COX6C: variants seen among roughly 807,000 people sequenced by gnomAD.
COX6C encodes cytochrome c oxidase subunit 6C.
A neutral mutation model predicts 6.9 loss-of-function variants in COX6C; 3 were observed. That is an observed-to-expected ratio of 0.43 (90% CI 0.20 to 1.12). The LOEUF is 1.12. Among genes scored for constraint, COX6C ranks in the 50% most tolerant of loss-of-function variants. The pLI is 0.27. For synonymous variants in COX6C, 32 were observed against 32.0 expected (o/e 1.00, Z 0.00); for missense variants, 101 against 97.3 (o/e 1.04, Z -0.16).
chr8:99,889,098 C>A (rs1817993299), intron 2 of COX6C, among the ~76,000 whole-genome samples: 1 of 152,184 alleles, frequency 6.6e-6, no homozygotes, highest in South Asian at 2.1e-4. Context: ...TTTAGCTAAA[C>A]TAAGGAGCAA....
rs530922112 is a variant in COX6C, at chr8:99,887,403, C to G, written c.*15+87G>C. ...ATCGTAAAGTCAAAAAATCTTAAGT[C>G]TAAACATTGTGAGGGACAGTCACCT... On this transcript the variant is annotated intron_variant, in intron 3 of 3. Coordinates refer to ENST00000520468, the MANE Select transcript of COX6C (RefSeq NM_004374.4). The G allele has an allele frequency of 1.9e-5, 13 of 682,564 alleles. No individual in the cohort carries two copies. In the East Asian group the frequency reaches 3.1e-4, roughly 16 times the overall value. 42.3% of individuals were successfully genotyped at this position (682,564 alleles called of 1,614,324 possible).
In COX6C at chr8:99,883,863, A is replaced by G. The variant is rs1469831683; in HGVS notation, c.*15+3627T>C. ...CTAGGATGCAAGGATAGTTCAACATATGCAAATCAATAGATGTGACATACC... is the reference window on the plus strand; with the variant it reads ...CTAGGATGCAAGGATAGTTCAACATGTGCAAATCAATAGATGTGACATACC... On this transcript the variant is annotated intron_variant, in intron 3 of 3. Coordinates refer to ENST00000520468, the MANE Select transcript of COX6C (RefSeq NM_004374.4). Among the ~76,000 whole-genome samples, 6 of 152,226 alleles carry G rather than the reference A, an allele frequency of 3.9e-5. No individual in the cohort carries two copies. In the East Asian group the frequency reaches 1.2e-3, roughly 29 times the overall value.
chr8:99,882,218 A>G (rs1393750728), intron 3 of COX6C, among the ~76,000 whole-genome samples: 1 of 152,234 alleles, frequency 6.6e-6, no homozygotes, highest in Non-Finnish European at 1.5e-5. Context: ...ATATGACTTG[A>G]ACAACACTAC....
intron 2 of COX6C, among the ~76,000 whole-genome samples, chr8:99,889,378 C>T (rs191143289): frequency 7.4e-6 from 1 of 134,516 alleles, no homozygotes; most frequent in Admixed American, 7.9e-5. Context: ...CAACCTCCAC[C>T]TCCCAATTTT....
chr8:99,885,730 G>T (rs1817934877), intron 3 of COX6C, among the ~76,000 whole-genome samples: 2 of 152,110 alleles, frequency 1.3e-5, no homozygotes, highest in Non-Finnish European at 2.9e-5. Context: ...ATTGGATTTG[G>T]CAATGATTTA....
intron 2 of COX6C, among the ~76,000 whole-genome samples, chr8:99,888,105 TAAAAAAAAATAAAAAATA>T (rs1253343083): frequency 2.1e-4 from 27 of 130,966 alleles, no homozygotes; most frequent in Middle Eastern, 4.0e-3. Context: ...AAATAAAAAA[TAAAAAAAAATAAAAAATA>T]AAAAAAAAAT....
At position 99,879,147 on chromosome 8, in the gene COX6C, A is replaced by G. The variant is rs148780353; in HGVS notation, c.*16-882T>C. 2.8e-3 allele frequency among the ~76,000 whole-genome samples: 428 copies of G among 152,366 alleles called. 1 individual carries two copies. Among genetic ancestry groups the G allele is most frequent in the African/African-American group, 9.8e-3 (406 of 41,584 alleles). ...AAATATACACATAAGATTCCAGAGT[A>G]GGAAGTCTCATCAAGGTACTTCATA... On this transcript the variant is annotated intron_variant, in intron 3 of 3. Transcript: ENST00000520468.
At chr8:99,890,205 C>T (rs766389582) in intron 2 of COX6C, among the ~76,000 whole-genome samples, 8 of 152,022 alleles carry the variant, frequency 5.3e-5, no homozygotes, top group Non-Finnish European at 1.0e-4. Context: ...TCAAGCAATC[C>T]GCCCACCTCA....
At chr8:99,888,347 C>T (rs1029255117) in intron 2 of COX6C, among the ~76,000 whole-genome samples, 18 of 151,946 alleles carry the variant, frequency 1.2e-4, no homozygotes, top group African/African-American at 2.9e-4. Context: ...CCAAGGGGGG[C>T]GAATCACAAG....
chr8:99,892,186 T>G, intron 1 of COX6C, 134 bp from the exon 2 acceptor site: 1 of 591,186 alleles, frequency 1.7e-6, no homozygotes, highest in Non-Finnish European at 3.0e-6. Flanking sequence ...AATGAATGTT[T>G]TTCTTTTTTG....
At chr8:99,885,427 C>T (rs536432227) in intron 3 of COX6C, among the ~76,000 whole-genome samples, 6 of 152,194 alleles carry the variant, frequency 3.9e-5, no homozygotes, top group Admixed American at 6.5e-5. Flanking sequence ...TTAGATAAAA[C>T]GGACTACTGT....
At position 99,892,009 on chromosome 8, in the gene COX6C, C is replaced by T. The variant is rs969892266; in HGVS notation, c.13G>A (p.Val5Ile). Reference protein sequence around the residue: MAPEVLPKPRMRGLL... With the variant: MAPEILPKPRMRGLL... ...CCACGCATCCGAGGTTTTGGCAAAA[C>T]TTCGGGAGCCATGGTAGTTACTGTC... is the stretch of plus-strand genomic sequence containing the variant. The change falls in exon 2 of 4, where the codon GTT becomes ATT. Residue 5 changes from valine to isoleucine, a missense_variant. By Grantham distance (29) the Val-to-Ile change is conservative. Transcript: ENST00000520468. 2.5e-6 allele frequency: 4 copies of T among 1,612,226 alleles called. No homozygotes were observed. Among genetic ancestry groups the T allele is most frequent in the Non-Finnish European group, 3.4e-6 (4 of 1,179,530 alleles).
chr8:99,891,763 G>T, intron 2 of COX6C, 145 bp downstream of exon 2: 1 of 707,938 alleles, frequency 1.4e-6, no homozygotes, highest in Non-Finnish European at 2.4e-6. Context: ...TAAAGATGGA[G>T]GACAAGCTAT....
chr8:99,892,098 C>T (rs1818063167), intron 1 of COX6C, 46 bp from the exon 2 acceptor site: 1 of 1,200,972 alleles, frequency 8.3e-7, no homozygotes, highest in Admixed American at 2.3e-5. Context: ...TTTATTTAAG[C>T]CACAAACTTG....
At chr8:99,892,847 T>C (rs1356702628) in intron 1 of COX6C, among the ~76,000 whole-genome samples, 2 of 152,170 alleles carry the variant, frequency 1.3e-5, no homozygotes, top group Non-Finnish European at 2.9e-5. Flanking sequence ...CAACACTTTC[T>C]CTTCTAAAAA....
chr8:99,886,719 G>A (rs1015286993), intron 3 of COX6C, among the ~76,000 whole-genome samples: 1 of 152,206 alleles, frequency 6.6e-6, no homozygotes, highest in Non-Finnish European at 1.5e-5. Context: ...GATGAACCTT[G>A]AGTACACTAC....
In COX6C at chr8:99,887,562, A is replaced by G. The variant is rs773209022; in HGVS notation, c.171T>C (p.Asp57=). Residue 57 remains aspartate (D), a synonymous_variant, in exon 3 of 4, where the codon GAT becomes GAC. Coordinates refer to ENST00000520468, the MANE Select transcript of COX6C (RefSeq NM_004374.4). Reference sequence around the variant, plus strand: ...TCATCTCCTCAAAATCTTTCATGACATCGTAGTTTCTGTAGAAATCTGCGT... The same window carrying G: ...TCATCTCCTCAAAATCTTTCATGACGTCGTAGTTTCTGTAGAAATCTGCGT... ...KAYADFYRNY[D]VMKDFEEMRK... The G allele has an allele frequency of 3.1e-6, 5 of 1,611,480 alleles. No homozygotes were observed. The highest frequency in any genetic ancestry group is 3.4e-6 in the Non-Finnish European group (4 of 1,179,252).
intron 3 of COX6C, among the ~76,000 whole-genome samples, chr8:99,882,234 A>G (rs1418303080): frequency 6.6e-6 from 1 of 152,212 alleles, no homozygotes; most frequent in Non-Finnish European, 1.5e-5. Flanking sequence ...ACTACAAATC[A>G]ACTGGACTTA....
chr8:99,882,705 T>C (rs1817882178), intron 3 of COX6C, among the ~76,000 whole-genome samples: 1 of 152,168 alleles, frequency 6.6e-6, no homozygotes, highest in African/African-American at 2.4e-5. Context: ...TACAACTGAT[T>C]TTACAGATCT....
Sources: gnomAD v4.1 joint callset for allele counts (sites outside exome capture counted in the v4.1 genomes callset) on GRCh38, gnomAD v4.1.1 for gene constraint, MANE v1.5 for transcripts, NCBI Gene and HGNC (gene_info 2026-07-23, HGNC 2026-07-21) for gene names.